CSMD1: variants seen among roughly 807,000 people sequenced by gnomAD.
The protein encoded by CSMD1 is CUB and Sushi multiple domains 1, also known as CUB and sushi domain-containing protein 1.
A neutral mutation model predicts 417.5 loss-of-function variants in CSMD1; 213 were observed. The ratio of observed to expected loss-of-function variants is 0.51; its 90% CI spans 0.46 to 0.57. CSMD1 has a LOEUF of 0.57. Among genes scored for constraint, CSMD1 ranks in the 20% least tolerant of loss-of-function variants. CSMD1 has a pLI of 0.00. For missense variants in CSMD1, 6,923 were observed against 4,529.7 expected (o/e 1.53, Z -15.17); for synonymous variants, 2,862 against 1,736.8 (o/e 1.65, Z -16.11).
At chr8:4,795,913 T>G (rs1797957785) in intron 1 of CSMD1, among the ~76,000 whole-genome samples, 1 of 152,150 alleles carries the variant, frequency 6.6e-6, no homozygotes, top group South Asian at 2.1e-4. Context: ...ATATTGCCAC[T>G]AAGGGAAATA....
intron 7 of CSMD1, among the ~76,000 whole-genome samples, chr8:3,686,340 C>A (rs1233362652): frequency 7.2e-5 from 11 of 152,150 alleles, no homozygotes; most frequent in African/African-American, 2.2e-4. Flanking sequence ...CTTCACTTCT[C>A]TACGCTTGTC....
At chr8:4,839,870 C>G (rs1229694467) in intron 1 of CSMD1, among the ~76,000 whole-genome samples, 1 of 152,178 alleles carries the variant, frequency 6.6e-6, no homozygotes, top group Non-Finnish European at 1.5e-5. Context: ...TCTTTCAATT[C>G]TTAGTACTAG....
At chr8:4,964,781 G>C (rs909571376) in intron 1 of CSMD1, among the ~76,000 whole-genome samples, 8 of 152,128 alleles carry the variant, frequency 5.3e-5, no homozygotes, top group African/African-American at 1.9e-4. Flanking sequence ...TTTTGTGAAT[G>C]AAATTGTTCT....
chr8:4,676,924 A>G (rs1288669425), intron 1 of CSMD1, among the ~76,000 whole-genome samples: 2 of 147,150 alleles, frequency 1.4e-5, no homozygotes, highest in Non-Finnish European at 3.0e-5. Context: ...ATATACATAG[A>G]GAGAGATGAT....
At chr8:4,105,930 C>T (rs551703100) in intron 3 of CSMD1, among the ~76,000 whole-genome samples, 1 of 152,314 alleles carries the variant, frequency 6.6e-6, no homozygotes, top group South Asian at 2.1e-4. Flanking sequence ...AGGTTCGGTG[C>T]GTCCTGAATA....
intron 23 of CSMD1, among the ~76,000 whole-genome samples, chr8:3,315,776 TTTTTGGAACTGTC>T (rs1205487725): frequency 2.0e-5 from 3 of 152,164 alleles, no homozygotes; most frequent in Non-Finnish European, 4.4e-5. Flanking sequence ...AATTATCTAT[TTTTTGGAACTGTC>T]TTATTTTTTA....
chr8:2,940,470 C>T (rs745846670), intron 69 of CSMD1, among the ~76,000 whole-genome samples: 9 of 152,246 alleles, frequency 5.9e-5, no homozygotes, highest in Admixed American at 2.0e-4. Flanking sequence ...TCCCCACCGA[C>T]CCAGAGGAGG....
chr8:4,039,192 C>A (rs1384380720), intron 3 of CSMD1, among the ~76,000 whole-genome samples: 1 of 152,186 alleles, frequency 6.6e-6, no homozygotes, highest in Non-Finnish European at 1.5e-5. Flanking sequence ...CATCTGGAAT[C>A]TAGGTCCCTT....
chr8:3,589,300 C>A (rs1339000545), intron 8 of CSMD1, among the ~76,000 whole-genome samples: 2 of 152,014 alleles, frequency 1.3e-5, no homozygotes, highest in Non-Finnish European at 1.5e-5. Flanking sequence ...ATAGTCACTG[C>A]AGCGTTACTC....
At chr8:4,916,984 A>G (rs1235447738) in intron 1 of CSMD1, among the ~76,000 whole-genome samples, 2 of 152,214 alleles carry the variant, frequency 1.3e-5, no homozygotes, top group East Asian at 1.9e-4. Flanking sequence ...CAGTAGGTGT[A>G]TTAGCTCATT....
chr8:4,871,094 G>T (rs1802711405), intron 1 of CSMD1, among the ~76,000 whole-genome samples: 1 of 152,142 alleles, frequency 6.6e-6, no homozygotes, highest in Non-Finnish European at 1.5e-5. Context: ...CTGGGCCATG[G>T]GAGGAGGCAG....
intron 1 of CSMD1, among the ~76,000 whole-genome samples, chr8:4,689,975 G>A (rs1050099649): frequency 3.3e-5 from 5 of 152,172 alleles, no homozygotes; most frequent in Admixed American, 6.5e-5. Context: ...ACTGCCGTAA[G>A]CGTAGTGCTA....
At chr8:4,512,379 A>G (rs1802869843) in intron 2 of CSMD1, among the ~76,000 whole-genome samples, 1 of 152,210 alleles carries the variant, frequency 6.6e-6, no homozygotes, top group South Asian at 2.1e-4. Context: ...AGCAGGAAAC[A>G]AGGCACAAAT....
chr8:4,182,823 A>G (rs904981506), intron 3 of CSMD1, among the ~76,000 whole-genome samples: 3 of 152,216 alleles, frequency 2.0e-5, no homozygotes, highest in Admixed American at 1.3e-4. Context: ...ACATGCAATT[A>G]TAAGGGTCAT....
intron 10 of CSMD1, among the ~76,000 whole-genome samples, chr8:3,516,887 A>G (rs1375540122): frequency 2.0e-5 from 3 of 152,246 alleles, no homozygotes; most frequent in Non-Finnish European, 4.4e-5. Context: ...TGTTTATAGC[A>G]GCACAATTCA....
At chr8:3,902,877 C>T (rs1396738483) in intron 5 of CSMD1, among the ~76,000 whole-genome samples, 5 of 152,148 alleles carry the variant, frequency 3.3e-5, no homozygotes, top group Non-Finnish European at 5.9e-5. Context: ...AACTTTCCTT[C>T]CATCTAACAG....
At chr8:4,232,360 G>C (rs1364536416) in intron 3 of CSMD1, among the ~76,000 whole-genome samples, 4 of 152,020 alleles carry the variant, frequency 2.6e-5, no homozygotes, top group South Asian at 2.1e-4. Flanking sequence ...CATTAAGCCT[G>C]ACTAATTTTT....
At chr8:4,413,634 G>A (rs531907663) in intron 3 of CSMD1, among the ~76,000 whole-genome samples, 3 of 152,264 alleles carry the variant, frequency 2.0e-5, no homozygotes, top group South Asian at 2.1e-4. Context: ...GCACAAGACA[G>A]CACTGTTGAC....
chr8:4,590,116 A>T (rs1799910740), intron 2 of CSMD1, among the ~76,000 whole-genome samples: 1 of 152,204 alleles, frequency 6.6e-6, no homozygotes, highest in East Asian at 1.9e-4. Flanking sequence ...TATTTAGAAT[A>T]ACATGCAATT....
Sources: allele counts gnomAD v4.1 joint callset (sites outside exome capture counted in the v4.1 genomes callset), GRCh38; gene constraint gnomAD v4.1.1; transcripts MANE v1.5; gene names NCBI Gene and HGNC (gene_info 2026-07-23, HGNC 2026-07-21).